CNTN5: variants seen among roughly 807,000 people sequenced by gnomAD.
CNTN5 encodes the protein contactin-5.
CNTN5 carries 77 observed loss-of-function variants against 129.1 expected under a neutral mutation model. The observed-to-expected ratio is 0.60, with a 90% CI of 0.50 to 0.72. The LOEUF is 0.72. Ranked by LOEUF, CNTN5 falls within the 30% of genes least tolerant of loss-of-function variation. CNTN5 has a pLI of 0.00. For synonymous variants in CNTN5, 509 were observed against 465.6 expected (o/e 1.09, Z -1.20); for missense variants, 1,478 against 1,328.8 (o/e 1.11, Z -1.75).
intron 13 of CNTN5, among the ~76,000 whole-genome samples, chr11:100,175,190 C>G (rs1947926247): frequency 6.6e-6 from 1 of 152,096 alleles, no homozygotes; most frequent in Admixed American, 6.6e-5. Flanking sequence ...GGTCAGTGTG[C>G]AGTGGCTGAA....
intron 1 of CNTN5, among the ~76,000 whole-genome samples, chr11:99,031,104 A>G (rs1336874699): frequency 6.6e-6 from 1 of 151,950 alleles, no homozygotes; most frequent in African/African-American, 2.4e-5. Flanking sequence ...GCCTAATGCT[A>G]ACTCTTTAAA....
intron 2 of CNTN5, among the ~76,000 whole-genome samples, chr11:99,426,726 G>A (rs1943138508): frequency 1.3e-5 from 2 of 152,068 alleles, no homozygotes; most frequent in Admixed American, 1.3e-4. Flanking sequence ...TAGTCCTTGG[G>A]CCTGGAGGAT....
At chr11:99,346,438 T>C (rs892427541) in intron 2 of CNTN5, among the ~76,000 whole-genome samples, 3 of 152,194 alleles carry the variant, frequency 2.0e-5, no homozygotes, top group Non-Finnish European at 2.9e-5. Context: ...TCAGGCCTGG[T>C]GGCCCTTGTG....
chr11:99,025,809 A>G (rs570086845), intron 1 of CNTN5, among the ~76,000 whole-genome samples: 25 of 151,880 alleles, frequency 1.6e-4, no homozygotes, highest in African/African-American at 5.8e-4. Flanking sequence ...ACTTTTAAGT[A>G]TATAAAGTTT....
chr11:99,484,936 G>C (rs1239890900), intron 2 of CNTN5, among the ~76,000 whole-genome samples: 1 of 152,074 alleles, frequency 6.6e-6, no homozygotes, highest in African/African-American at 2.4e-5. Context: ...GGAGCATTGG[G>C]AGAGATTTGT....
intron 13 of CNTN5, among the ~76,000 whole-genome samples, chr11:100,129,674 A>C (rs181783182): frequency 1.1e-4 from 16 of 152,204 alleles, no homozygotes; most frequent in Middle Eastern, 3.4e-3. Flanking sequence ...ATATTTCCCC[A>C]AAAAAATAAA....
intron 1 of CNTN5, among the ~76,000 whole-genome samples, chr11:99,281,478 GCTCAGGTGGTT>G (rs1565459609): frequency 6.6e-6 from 1 of 151,876 alleles, no homozygotes; most frequent in Non-Finnish European, 1.5e-5. Flanking sequence ...CTTATCCATA[GCTCAGGTGGTT>G]CTCACTCACA....
chr11:100,318,111 G>T (rs1255151664), intron 21 of CNTN5, among the ~76,000 whole-genome samples: 1 of 151,770 alleles, frequency 6.6e-6, no homozygotes, highest in Non-Finnish European at 1.5e-5. Context: ...CGCGGTGGTG[G>T]GCGCCTGTAG....
intron 13 of CNTN5, among the ~76,000 whole-genome samples, chr11:100,144,107 T>A (rs1946777964): frequency 6.6e-6 from 1 of 152,190 alleles, no homozygotes; most frequent in Admixed American, 6.5e-5. Flanking sequence ...CAAATTTTAC[T>A]AAAATTTGGT....
At chr11:99,734,320 T>C (rs1056162617) in intron 3 of CNTN5, among the ~76,000 whole-genome samples, 1 of 152,220 alleles carries the variant, frequency 6.6e-6, no homozygotes, top group African/African-American at 2.4e-5. Flanking sequence ...TGTCAAATAC[T>C]AGATCTTATT....
At chr11:99,209,700 A>G (rs1859668966) in intron 1 of CNTN5, among the ~76,000 whole-genome samples, 1 of 152,176 alleles carries the variant, frequency 6.6e-6, no homozygotes, top group South Asian at 2.1e-4. Context: ...TATCATGAAT[A>G]GACAGTCATG....
At chr11:99,406,243 G>A (rs925778358) in intron 2 of CNTN5, among the ~76,000 whole-genome samples, 35 of 151,846 alleles carry the variant, frequency 2.3e-4, no homozygotes, top group African/African-American at 8.0e-4. Context: ...GATCTAATCT[G>A]TATCTGCTTG....
rs528404371 is a variant in CNTN5, at chr11:100,074,443, T to G, written c.1580+149T>G. On this transcript the variant is annotated intron_variant, in intron 13 of 24. Transcript: ENST00000524871. ...ACATGGTTTTGCCTATATAGTGATTTTAAAAGAACCCAAAGTTTGACTTCA... is the reference window on the plus strand; with the variant it reads ...ACATGGTTTTGCCTATATAGTGATTGTAAAAGAACCCAAAGTTTGACTTCA... The G allele has an allele frequency of 2.0e-5, 13 of 663,904 alleles. 1 individual carries two copies. The South Asian group carries it at 2.8e-4, about 14-fold the overall frequency. The allele number at this position is 663,904 out of a possible 1,614,324, so 41.1% of individuals were successfully genotyped here.
At chr11:100,090,972 TGAATC>T (rs1374968710) in intron 13 of CNTN5, among the ~76,000 whole-genome samples, 1 of 152,124 alleles carries the variant, frequency 6.6e-6, no homozygotes, top group Non-Finnish European at 1.5e-5. Context: ...GAAAATAACT[TGAATC>T]ATGTCAGTTT....
intron 6 of CNTN5, among the ~76,000 whole-genome samples, chr11:99,846,137 C>T (rs1343157078): frequency 6.6e-6 from 1 of 150,686 alleles, no homozygotes; most frequent in African/African-American, 2.4e-5. Context: ...TAGACACACA[C>T]ACACACACAC....
intron 2 of CNTN5, among the ~76,000 whole-genome samples, chr11:99,377,318 T>C (rs1056836797): frequency 1.3e-5 from 2 of 152,132 alleles, no homozygotes; most frequent in African/African-American, 4.8e-5. Context: ...TGTTTTTGCT[T>C]AGTGTCATCA....
At chr11:99,869,585 C>A (rs10894037) in intron 6 of CNTN5, among the ~76,000 whole-genome samples, 1 of 152,100 alleles carries the variant, frequency 6.6e-6, no homozygotes, top group African/African-American at 2.4e-5. Flanking sequence ...CTTCTACTTC[C>A]GCTGTATATT....
chr11:99,067,415 A>G (rs988012354), intron 1 of CNTN5, among the ~76,000 whole-genome samples: 1 of 127,426 alleles, frequency 7.8e-6, no homozygotes, highest in African/African-American at 3.2e-5. Flanking sequence ...GCAGACAATC[A>G]ATGTTGACTA....
chr11:100,130,065 G>A (rs141340557), intron 13 of CNTN5, among the ~76,000 whole-genome samples: 156 of 152,124 alleles, frequency 1.0e-3, no homozygotes, highest in African/African-American at 3.6e-3. Context: ...AGTGAAATAA[G>A]CAAGTAACCT....
Sources: allele counts gnomAD v4.1 joint callset (sites outside exome capture counted in the v4.1 genomes callset), GRCh38; gene constraint gnomAD v4.1.1; transcripts MANE v1.5; gene names NCBI Gene and HGNC (gene_info 2026-07-23, HGNC 2026-07-21).